PTGES: variants seen among roughly 807,000 people sequenced by gnomAD.
PTGES encodes the protein MGST1-like 1.
Under a neutral mutation model 11.8 loss-of-function variants are expected in PTGES, and 3 were observed. That is an observed-to-expected ratio of 0.25 (90% CI 0.12 to 0.66). PTGES has a LOEUF of 0.66. Ranked by LOEUF, PTGES falls within the 30% of genes least tolerant of loss-of-function variation. The probability of loss-of-function intolerance (pLI) is 0.82; values close to 1 mark genes in which losing one functional copy is unlikely to be tolerated. For missense variants in PTGES, 180 were observed against 213.0 expected (o/e 0.85, Z 0.96); for synonymous variants, 94 against 90.4 (o/e 1.04, Z -0.22).
rs1832972021 is a variant in PTGES, at chr9:129,739,510, C to T, written c.*101G>A. The T allele has an allele frequency of 1.4e-5, 21 of 1,459,868 alleles. No homozygotes were observed. In the South Asian group the frequency reaches 2.5e-4, roughly 18 times the overall value. The allele number at this position is 1,459,868 out of a possible 1,614,324, so 90.4% of individuals were successfully genotyped here. ...GCAGCAGGCTGCCAGGAAACCAGGA[C>T]TCAGGGCCCACCACAATCTGGAAGG... is the stretch of plus-strand genomic sequence containing the variant. On this transcript the variant is annotated 3_prime_UTR_variant, in exon 3 of 3. Transcript: ENST00000340607. The surrounding 1 kb of genome is among the most constrained non-coding windows in gnomAD (Gnocchi z 5.7).
intron 2 of PTGES, among the ~76,000 whole-genome samples, chr9:129,742,181 T>C (rs915288652): frequency 2.0e-5 from 3 of 150,510 alleles, no homozygotes; most frequent in Non-Finnish European, 3.0e-5. Context: ...AAAAATTAGC[T>C]GTACATGGTG....
At chr9:129,742,714 A>G (rs2130950687) in intron 2 of PTGES, among the ~76,000 whole-genome samples, 2 of 152,140 alleles carry the variant, frequency 1.3e-5, no homozygotes, top group Admixed American at 1.3e-4. Context: ...TCTACTAAAA[A>G]TACAAAAATC....
rs375031589 is a variant in PTGES at position 129,752,909 on chromosome 9, C to T, written c.104G>A (p.Gly35Asp). The T allele has an allele frequency of 6.2e-7, 1 of 1,613,760 alleles. No individual in the cohort carries two copies. The highest frequency in any genetic ancestry group is 1.3e-5 in the African/African-American group (1 of 74,946). ...IKMYVVAIIT[G>D]QVRLRKKAFA... ...TACCTTCTTCCGCAGCCTCACTTGGCCCGTGATGATGGCCACCACGTACAT... is the reference window on the plus strand; with the variant it reads ...TACCTTCTTCCGCAGCCTCACTTGGTCCGTGATGATGGCCACCACGTACAT... The change falls in exon 1 of 3, where the codon GGC becomes GAC. Residue 35 changes from glycine to aspartate, a missense_variant. Gly to Asp is a moderately conservative substitution (Grantham distance 94). Coordinates refer to ENST00000340607, the MANE Select transcript of PTGES (RefSeq NM_004878.5).
intron 2 of PTGES, among the ~76,000 whole-genome samples, chr9:129,744,747 C>T (rs574335184): frequency 2.4e-4 from 37 of 151,666 alleles, no homozygotes; most frequent in Non-Finnish European, 3.8e-4. Flanking sequence ...AGTGGTGGCG[C>T]GCACCTGTAA....
chr9:129,748,746 T>C lies in PTGES; in HGVS notation c.127-9A>G, dbSNP rs1212841651. On this transcript the variant is annotated splice_polypyrimidine_tract_variant and intron_variant, in intron 1 of 2. Transcript: ENST00000340607. ...TCGGGGTTGGCAAAGGCCTGAAATA[T>C]ACCAGTTGAGAGTCACTCCTCGTGA... 6.3e-7 allele frequency: 1 copy of C among 1,591,946 alleles called. No individual in the cohort carries two copies. Among genetic ancestry groups the C allele is most frequent in the African/African-American group, 1.4e-5 (1 of 73,508 alleles).
At chr9:129,752,004 A>G (rs1833116190) in intron 1 of PTGES, among the ~76,000 whole-genome samples, 1 of 152,116 alleles carries the variant, frequency 6.6e-6, no homozygotes. Context: ...GCATCCTATC[A>G]CTTGGGCAGC....
chr9:129,748,278 G>A (rs1196591487), intron 2 of PTGES, among the ~76,000 whole-genome samples: 1 of 151,516 alleles, frequency 6.6e-6, no homozygotes, highest in Non-Finnish European at 1.5e-5. Context: ...GATTCTATGG[G>A]GCAGAACGGG....
In PTGES at chr9:129,742,392, G is replaced by A. The variant is rs551609708; in HGVS notation, c.210-2532C>T. On this transcript the variant is annotated intron_variant, in intron 2 of 2. Coordinates refer to ENST00000340607, the MANE Select transcript of PTGES (RefSeq NM_004878.5). The stretch of plus-strand genomic sequence containing the variant: ...AATCACTCCGTCCTCTGGCAATTGA[G>A]CTGTGGGTACCCACATCCCCCTACA... 1.3e-3 allele frequency among the ~76,000 whole-genome samples: 197 copies of A among 150,200 alleles called. 1 individual carries two copies. Among genetic ancestry groups the A allele is most frequent in the African/African-American group, 4.7e-3 (191 of 40,824 alleles).
In PTGES at chr9:129,739,961, G is replaced by T. The variant is rs1321665081; in HGVS notation, c.210-101C>A. Reference sequence around the variant, plus strand: ...GCTGGGGGTGCTTTGACCCACTGGGGGTCATTTCAGGCATATCACACACTC... The same window carrying T: ...GCTGGGGGTGCTTTGACCCACTGGGTGTCATTTCAGGCATATCACACACTC... On this transcript the variant is annotated intron_variant, in intron 2 of 2. Coordinates refer to ENST00000340607, the MANE Select transcript of PTGES (RefSeq NM_004878.5). The surrounding 1 kb of genome is among the most constrained non-coding windows in gnomAD (Gnocchi z 5.7). 1 of 1,368,052 alleles carries T rather than the reference G, an allele frequency of 7.3e-7. No individual in the cohort carries two copies. Among genetic ancestry groups the T allele is most frequent in the Non-Finnish European group, 9.9e-7 (1 of 1,013,820 alleles). 84.7% of individuals were successfully genotyped at this position (1,368,052 alleles called of 1,614,324 possible). A position where few individuals can be genotyped will look rare whatever the true frequency, so the allele number is the denominator to read the frequency against.
chr9:129,740,445 TC>T (rs1330320088), intron 2 of PTGES, among the ~76,000 whole-genome samples: 3 of 152,052 alleles, frequency 2.0e-5, no homozygotes, highest in Non-Finnish European at 4.4e-5. Flanking sequence ...TGTCTCCTTT[TC>T]CCCCTAAATC....
chr9:129,743,650 G>A (rs1319880104), intron 2 of PTGES, among the ~76,000 whole-genome samples: 3 of 152,162 alleles, frequency 2.0e-5, no homozygotes, highest in Non-Finnish European at 4.4e-5. Context: ...ATCCACGGTG[G>A]GGCCAATTTC....
At chr9:129,743,875 G>A (rs1833024724) in intron 2 of PTGES, among the ~76,000 whole-genome samples, 1 of 152,096 alleles carries the variant, frequency 6.6e-6, no homozygotes, top group Non-Finnish European at 1.5e-5. Flanking sequence ...TTGAGACAGA[G>A]TCTCGCTCTG....
At chr9:129,742,328 C>CAAAAAAAAAAAAAAAAAAAAA (rs1194614585) in intron 2 of PTGES, among the ~76,000 whole-genome samples, 2 of 51,086 alleles carry the variant, frequency 3.9e-5, no homozygotes, top group Non-Finnish European at 8.6e-5. Flanking sequence ...GACTCTGTCT[C>CAAAAAAAAAAAAAAAAAAAAA]AAAAAAAAAA....
intron 2 of PTGES, among the ~76,000 whole-genome samples, 169 bp from the exon 3 acceptor site, chr9:129,740,029 T>G (rs1832980109): frequency 6.6e-6 from 1 of 151,532 alleles, no homozygotes. Context: ...TACCCCAGAG[T>G]CCAGAAGAAG....
intron 2 of PTGES, among the ~76,000 whole-genome samples, chr9:129,740,421 T>G (rs1229752002): frequency 6.6e-6 from 1 of 152,154 alleles, no homozygotes; most frequent in Non-Finnish European, 1.5e-5. Context: ...GCCTTTGAAA[T>G]GAATGCCGGG....
chr9:129,742,340 A>AC (rs1390750211), intron 2 of PTGES, among the ~76,000 whole-genome samples: 20 of 150,680 alleles, frequency 1.3e-4, no homozygotes, highest in African/African-American at 4.7e-4. Context: ...AAAAAAAAAA[A>AC]AAAAAAAAAA....
intron 1 of PTGES, among the ~76,000 whole-genome samples, chr9:129,750,199 C>T (rs565466412): frequency 6.6e-6 from 1 of 152,332 alleles, no homozygotes; most frequent in South Asian, 2.1e-4. Flanking sequence ...TCAGACCCCA[C>T]CAGGCCCACA....
chr9:129,744,893 T>A (rs1833036660), intron 2 of PTGES, among the ~76,000 whole-genome samples: 2 of 151,558 alleles, frequency 1.3e-5, no homozygotes, highest in African/African-American at 4.9e-5. Context: ...AAAAAAAAAT[T>A]TTTTTTGAGT....
At chr9:129,746,404 C>T (rs1256724097) in intron 2 of PTGES, among the ~76,000 whole-genome samples, 1 of 152,118 alleles carries the variant, frequency 6.6e-6, no homozygotes, top group Non-Finnish European at 1.5e-5. Flanking sequence ...GAAAGTACAG[C>T]CAGTGCTTAG....
Sources: allele counts gnomAD v4.1 joint callset (sites outside exome capture counted in the v4.1 genomes callset), GRCh38; gene constraint gnomAD v4.1.1; non-coding constraint Gnocchi (gnomAD v3.1); transcripts MANE v1.5; gene names NCBI Gene and HGNC (gene_info 2026-07-23, HGNC 2026-07-21).